Variants in RTN1 observed in about 807,000 individuals in gnomAD.
RTN1 encodes reticulon 1.
In RTN1, 25 loss-of-function variants were observed where a neutral mutation model predicts 65.5. The ratio of observed to expected loss-of-function variants is 0.38; its 90% CI spans 0.28 to 0.53. RTN1 has a LOEUF of 0.53. RTN1 is among the 20% of genes least tolerant of loss of function. RTN1 has a pLI of 0.79. For missense variants in RTN1, 983 were observed against 1,025.4 expected (o/e 0.96, Z 0.57); for synonymous variants, 471 against 447.6 (o/e 1.05, Z -0.66).
At chr14:59,767,769 T>G (rs1250215600) in intron 1 of RTN1, among the ~76,000 whole-genome samples, 1 of 152,218 alleles carries the variant, frequency 6.6e-6, no homozygotes, top group Non-Finnish European at 1.5e-5. Flanking sequence ...CCTTTAGTTC[T>G]TTCTCCCTTC....
rs77829252 is a variant in RTN1, at chr14:59,740,995, A to C, written c.1015+4713T>G. 2.0e-3 allele frequency among the ~76,000 whole-genome samples: 299 copies of C among 152,280 alleles called. 3 individuals are homozygous for C. Among genetic ancestry groups the C allele is most frequent in the Non-Finnish European group, 1.2e-3 (82 of 68,036 alleles). Reference sequence around the variant, plus strand: ...TAATTATGATGATATAATTGAGAGGAATAAAAGGAAAGGTGAACATGGGCT... The same window carrying C: ...TAATTATGATGATATAATTGAGAGGCATAAAAGGAAAGGTGAACATGGGCT... On this transcript the variant is annotated intron_variant, in intron 2 of 8. Transcript: ENST00000267484.
chr14:59,648,828 T>A (rs570964263), intron 3 of RTN1, among the ~76,000 whole-genome samples: 15 of 152,284 alleles, frequency 9.9e-5, no homozygotes, highest in Admixed American at 2.6e-4. Context: ...ACAGCCAACA[T>A]CATACAGAAT....
At chr14:59,832,787 T>A (rs1206861180) in intron 1 of RTN1, among the ~76,000 whole-genome samples, 2 of 152,218 alleles carry the variant, frequency 1.3e-5, no homozygotes, top group African/African-American at 4.8e-5. Flanking sequence ...CTTTAATGCA[T>A]CCTTATTCTG....
chr14:59,849,283 CTCTTT>C lies in RTN1; in HGVS notation c.241+21102_241+21106del, dbSNP rs1887464010. On this transcript the variant is annotated intron_variant, in intron 1 of 8. Coordinates refer to ENST00000267484, the MANE Select transcript of RTN1 (RefSeq NM_021136.3). This position sits in a 1 kb window ranked among gnomAD's most constrained non-coding sequence, Gnocchi z 4.5. ...GTGCTAAATACATGTCAACTTCTTT[CTCTTT>C]TATCTATTTCCTCTCTTTTCCTTAA... Among the ~76,000 whole-genome samples the C allele has an allele frequency of 6.6e-6, 1 of 152,178 alleles. No individual in the cohort carries two copies. The highest frequency in any genetic ancestry group is 2.4e-5 in the African/African-American group (1 of 41,442).
At chr14:59,861,315 G>C (rs1280617652) in intron 1 of RTN1, among the ~76,000 whole-genome samples, 1 of 152,138 alleles carries the variant, frequency 6.6e-6, no homozygotes. Context: ...CTCTTTGCCT[G>C]CTGCCATCCA....
At chr14:59,629,093 T>C (rs931216782) in intron 3 of RTN1, among the ~76,000 whole-genome samples, 2 of 152,252 alleles carry the variant, frequency 1.3e-5, no homozygotes, top group Admixed American at 1.3e-4. Context: ...ATTGAACATA[T>C]GTTCTTCCAC....
chr14:59,641,454 C>T (rs1020519380), intron 3 of RTN1, among the ~76,000 whole-genome samples: 1 of 152,128 alleles, frequency 6.6e-6, no homozygotes, highest in African/African-American at 2.4e-5. Flanking sequence ...ACTGCAACCT[C>T]TGCCTCCTGG....
chr14:59,780,921 A>G (rs1477089374), intron 1 of RTN1, among the ~76,000 whole-genome samples: 6 of 152,182 alleles, frequency 3.9e-5, no homozygotes, highest in Admixed American at 3.9e-4. Flanking sequence ...AAGCCCCCCA[A>G]ATTCTGATTC....
At chr14:59,857,643 G>A (rs1292323423) in intron 1 of RTN1, among the ~76,000 whole-genome samples, 1 of 152,208 alleles carries the variant, frequency 6.6e-6, no homozygotes. Flanking sequence ...TAGAGGCCCT[G>A]AAATTGATGT....
At chr14:59,784,852 T>C (rs928380292) in intron 1 of RTN1, among the ~76,000 whole-genome samples, 3 of 152,234 alleles carry the variant, frequency 2.0e-5, no homozygotes, top group Non-Finnish European at 4.4e-5. Context: ...GCTTCTATTA[T>C]AGGGAAGACA....
chr14:59,778,292 C>T (rs1469952467), intron 1 of RTN1, among the ~76,000 whole-genome samples: 3 of 152,102 alleles, frequency 2.0e-5, no homozygotes, highest in African/African-American at 7.2e-5. Flanking sequence ...ACAGCAGGGA[C>T]CATGTATGCT....
Position 59,790,360 on chromosome 14 carries a change from T to C in RTN1, c.242-43879A>G, listed in dbSNP as rs1886326783. Among the ~76,000 whole-genome samples, 1 of 152,110 alleles carries C rather than the reference T, an allele frequency of 6.6e-6. No homozygotes were observed. Among genetic ancestry groups the C allele is most frequent in the Non-Finnish European group, 1.5e-5 (1 of 67,978 alleles). On this transcript the variant is annotated intron_variant, in intron 1 of 8. Transcript: ENST00000267484. The surrounding 1 kb of genome is among the most constrained non-coding windows in gnomAD (Gnocchi z 4.1). ...GATAGCAGTAGTCATTTCTGAATGG[T>C]AGCAACAGAGGTTTGTGTTCCTTTT... is the stretch of plus-strand genomic sequence containing the variant.
intron 2 of RTN1, among the ~76,000 whole-genome samples, chr14:59,734,945 C>T (rs1040860579): frequency 6.6e-6 from 1 of 151,990 alleles, no homozygotes; most frequent in African/African-American, 2.4e-5. Context: ...TCAAATTCTT[C>T]AGGGTCAAAA....
chr14:59,610,361 TA>T, intron 3 of RTN1: 1 of 555,088 alleles, frequency 1.8e-6, no homozygotes, highest in Admixed American at 3.4e-5. Flanking sequence ...ACTGTTATCT[TA>T]AAACAACAGG....
chr14:59,821,690 C>T (rs147237329), intron 1 of RTN1, among the ~76,000 whole-genome samples: 131 of 152,204 alleles, frequency 8.6e-4, no homozygotes, highest in African/African-American at 3.1e-3. Flanking sequence ...TATGATCTTT[C>T]GATGCCCAGT....
chr14:59,607,633 G>T, intron 3 of RTN1, 141 bp from the exon 4 acceptor site: 2 of 697,250 alleles, frequency 2.9e-6, no homozygotes, highest in Non-Finnish European at 5.1e-6. Flanking sequence ...CAGACAGATG[G>T]CTGTGCCAAG....
chr14:59,738,193 A>G (rs527375233), intron 2 of RTN1, among the ~76,000 whole-genome samples: 70 of 152,370 alleles, frequency 4.6e-4, no homozygotes, highest in African/African-American at 1.7e-3. Flanking sequence ...TCTGCACAGC[A>G]AAAGAAACTA....
chr14:59,733,886 C>G (rs543703174), intron 2 of RTN1, among the ~76,000 whole-genome samples: 1 of 152,368 alleles, frequency 6.6e-6, no homozygotes, highest in East Asian at 1.9e-4. Context: ...AAAAAGCAGC[C>G]AGACTGCTTC....
chr14:59,758,527 G>T (rs560481476), intron 1 of RTN1, among the ~76,000 whole-genome samples: 6 of 152,160 alleles, frequency 3.9e-5, no homozygotes, highest in South Asian at 2.1e-4. Flanking sequence ...CAATTGAAAG[G>T]CTCCTTCACT....
Sources: allele counts gnomAD v4.1 joint callset (sites outside exome capture counted in the v4.1 genomes callset), GRCh38; gene constraint gnomAD v4.1.1; non-coding constraint Gnocchi (gnomAD v3.1); transcripts MANE v1.5; gene names NCBI Gene and HGNC (gene_info 2026-07-23, HGNC 2026-07-21).